Variants in RSU1 observed in about 807,000 individuals in gnomAD.
RSU1 encodes Ras suppressor protein 1, also known as rsu-1.
Under a neutral mutation model 31.1 loss-of-function variants are expected in RSU1, and 26 were observed. The ratio of observed to expected loss-of-function variants is 0.84; its 90% CI spans 0.61 to 1.16. RSU1 has a LOEUF of 1.16. Ranked by LOEUF, RSU1 falls within the 50% of genes most tolerant of loss-of-function variation. RSU1 has a pLI of 0.00. For synonymous variants in RSU1, 164 were observed against 136.3 expected (o/e 1.20, Z -1.41); for missense variants, 320 against 339.1 (o/e 0.94, Z 0.44).
chr10:16,725,132 T>C (rs1198297304), intron 7 of RSU1, among the ~76,000 whole-genome samples: 3 of 152,240 alleles, frequency 2.0e-5, no homozygotes, highest in African/African-American at 4.8e-5. Context: ...CGCTGAACTA[T>C]AAGCTTATGT....
At chr10:16,760,846 A>T (rs1191772252) in intron 4 of RSU1, among the ~76,000 whole-genome samples, 2 of 152,014 alleles carry the variant, frequency 1.3e-5, no homozygotes, top group Admixed American at 1.3e-4. Flanking sequence ...CCTCTTCTCC[A>T]TACTCTTTCA....
chr10:16,665,542 C>T (rs755945388), intron 8 of RSU1, among the ~76,000 whole-genome samples: 3 of 152,196 alleles, frequency 2.0e-5, no homozygotes, highest in Non-Finnish European at 4.4e-5. Context: ...AACTTCCATT[C>T]TTCCACAAAA....
chr10:16,685,513 TC>T (rs1383998461), intron 8 of RSU1, among the ~76,000 whole-genome samples: 1 of 152,158 alleles, frequency 6.6e-6, no homozygotes, highest in Non-Finnish European at 1.5e-5. Context: ...GGTGGATTAT[TC>T]ATTCCTCTCC....
intron 7 of RSU1, among the ~76,000 whole-genome samples, chr10:16,700,639 C>G (rs1220232961): frequency 6.6e-6 from 1 of 152,200 alleles, no homozygotes; most frequent in African/African-American, 2.4e-5. Flanking sequence ...AGACAAGTGG[C>G]CGACTCTGGA....
At chr10:16,780,158 G>A (rs1159091135) in intron 3 of RSU1, among the ~76,000 whole-genome samples, 1 of 152,172 alleles carries the variant, frequency 6.6e-6, no homozygotes, top group Non-Finnish European at 1.5e-5. Context: ...TGACTCCTGA[G>A]ATTTCTATCT....
intron 8 of RSU1, among the ~76,000 whole-genome samples, chr10:16,674,919 G>A (rs1835198689): frequency 1.3e-5 from 2 of 152,126 alleles, no homozygotes; most frequent in African/African-American, 2.4e-5. Context: ...TGTAATCCCA[G>A]CTACTCGGGA....
Position 16,753,010 on chromosome 10 carries a change from A to C in RSU1, c.401-10T>G. 1 of 1,609,736 alleles carries C rather than the reference A, an allele frequency of 6.2e-7. No individual in the cohort carries two copies. The highest frequency in any genetic ancestry group is 8.5e-7 in the Non-Finnish European group (1 of 1,176,050). On this transcript the variant is annotated splice_polypyrimidine_tract_variant and intron_variant, in intron 5 of 8. Transcript: ENST00000345264. ...AGTGCACGCAGGGTGGCTGCAAATT[A>C]AACAGCAATATATAAACAGGGTGGC...
At position 16,793,267 on chromosome 10, in the gene RSU1, C is replaced by T. The variant is rs372443044; in HGVS notation, c.110-11183G>A. Among the ~76,000 whole-genome samples the T allele has an allele frequency of 1.4e-4, 22 of 152,210 alleles. No homozygotes were observed. The East Asian group carries it at 4.3e-3, about 29-fold the overall frequency. On this transcript the variant is annotated intron_variant, in intron 2 of 8. Transcript: ENST00000345264. ...TTCAAAACACTTGAAATTTTGAATA[C>T]TTGACTGAATTCTACTATTTATAGA...
At chr10:16,652,073 G>T (rs2131515253) in intron 8 of RSU1, among the ~76,000 whole-genome samples, 1 of 152,112 alleles carries the variant, frequency 6.6e-6, no homozygotes, top group South Asian at 2.1e-4. Flanking sequence ...TGGTGCAGGG[G>T]GAGAGTAAAA....
At chr10:16,660,021 G>C (rs367568547) in intron 8 of RSU1, among the ~76,000 whole-genome samples, 1 of 152,204 alleles carries the variant, frequency 6.6e-6, no homozygotes, top group Non-Finnish European at 1.5e-5. Flanking sequence ...GGCCCTGACA[G>C]CATCAGTTCA....
In RSU1 at chr10:16,650,491, C is replaced by G. The variant is rs1395832344; in HGVS notation, c.731+44532G>C. Among the ~76,000 whole-genome samples, 4 of 150,484 alleles carry G rather than the reference C, an allele frequency of 2.7e-5. No individual in the cohort carries two copies. In the South Asian group the frequency reaches 8.4e-4, roughly 32 times the overall value. ...TTTTGAGAAGAGACTTACAAGTAGA[C>G]AGGCAAAGAAAAGAAAGAGGCAGAA... On this transcript the variant is annotated intron_variant, in intron 8 of 8. Coordinates refer to ENST00000345264, the MANE Select transcript of RSU1 (RefSeq NM_012425.4).
At chr10:16,694,834 C>A (rs1272466701) in intron 8 of RSU1, among the ~76,000 whole-genome samples, 189 bp downstream of exon 8, 1 of 152,168 alleles carries the variant, frequency 6.6e-6, no homozygotes, top group African/African-American at 2.4e-5. Flanking sequence ...GTCTCGACTT[C>A]CCCAAATGCT....
chr10:16,714,713 A>G (rs373085309), intron 7 of RSU1, among the ~76,000 whole-genome samples: 2 of 152,098 alleles, frequency 1.3e-5, no homozygotes, highest in South Asian at 2.1e-4. Context: ...TACCTGTGTG[A>G]ATGTGGTATA....
chr10:16,665,996 T>A lies in RSU1; in HGVS notation c.731+29027A>T, dbSNP rs189552194. Reference sequence around the variant, plus strand: ...AAATATATTTTTAAAGTATACTGTGTCCTTGGGATTAAATAATTAATCATA... The same window carrying A: ...AAATATATTTTTAAAGTATACTGTGACCTTGGGATTAAATAATTAATCATA... On this transcript the variant is annotated intron_variant, in intron 8 of 8. Transcript: ENST00000345264. 5.9e-5 allele frequency among the ~76,000 whole-genome samples: 9 copies of A among 152,328 alleles called. No homozygotes were observed. The East Asian group carries it at 1.7e-3, about 29-fold the overall frequency.
intron 8 of RSU1, among the ~76,000 whole-genome samples, chr10:16,624,363 C>T (rs995484550): frequency 6.6e-6 from 1 of 152,138 alleles, no homozygotes; most frequent in African/African-American, 2.4e-5. Flanking sequence ...TTCCTTCCAC[C>T]TCTGTGGCTG....
chr10:16,716,248 G>A (rs929272857), intron 7 of RSU1, among the ~76,000 whole-genome samples: 1 of 152,190 alleles, frequency 6.6e-6, no homozygotes, highest in Non-Finnish European at 1.5e-5. Flanking sequence ...TGGGTGCCAG[G>A]GCCAGGGCAT....
intron 8 of RSU1, among the ~76,000 whole-genome samples, chr10:16,593,879 G>A (rs1217791643): frequency 5.3e-5 from 8 of 152,220 alleles, no homozygotes; most frequent in African/African-American, 1.9e-4. Context: ...TGCTTGGCCC[G>A]AAAGCCCAGG....
At chr10:16,722,282 G>C (rs531735133) in intron 7 of RSU1, among the ~76,000 whole-genome samples, 1 of 152,068 alleles carries the variant, frequency 6.6e-6, no homozygotes, top group African/African-American at 2.4e-5. Context: ...GCATCCACTG[G>C]GGGTCTTGGA....
At chr10:16,680,807 G>A (rs893711104) in intron 8 of RSU1, among the ~76,000 whole-genome samples, 9 of 151,986 alleles carry the variant, frequency 5.9e-5, no homozygotes, top group African/African-American at 2.2e-4. Flanking sequence ...ATTTGGGTGC[G>A]GACAGATATC....
Sources: allele counts gnomAD v4.1 joint callset (sites outside exome capture counted in the v4.1 genomes callset), GRCh38; gene constraint gnomAD v4.1.1; transcripts MANE v1.5; gene names NCBI Gene and HGNC (gene_info 2026-07-23, HGNC 2026-07-21).